The following IQSEC2 variants were observed in gnomAD, a reference collection of about 807,000 sequenced individuals.
IQSEC2 encodes the protein IQ motif and Sec7 domain ArfGEF 2, also known as IQ motif and SEC7 domain-containing protein 2.
Under a neutral mutation model 74.6 loss-of-function variants are expected in IQSEC2, and 6 were observed. The ratio of observed to expected loss-of-function variants is 0.08; its 90% CI spans 0.04 to 0.16. The LOEUF is 0.16. Ranked by LOEUF, IQSEC2 falls within the 10% of genes least tolerant of loss-of-function variation. IQSEC2 has a pLI of 1.00. For missense variants in IQSEC2, 734 were observed against 1,306.2 expected, an observed-to-expected ratio of 0.56 and a Z score of 6.75; for synonymous variants, 494 against 544.5, an observed-to-expected ratio of 0.91 and a Z score of 1.29.
intron 2 of IQSEC2, among the ~76,000 whole-genome samples, chrX:53,286,918 C>T (rs181230774): frequency 2.4e-4 from 19 of 80,114 alleles, no homozygotes; most frequent in Non-Finnish European, 8.9e-5. Flanking sequence ...CCAGCCTGGG[C>T]GACAGAGCAA....
chrX:53,314,631 CA>C (rs1470128842), intron 1 of IQSEC2, among the ~76,000 whole-genome samples: 1 of 111,646 alleles, frequency 9.0e-6, no homozygotes, highest in Non-Finnish European at 1.9e-5. Context: ...GTGGGCTAAC[CA>C]GGGGGGCACA....
chrX:53,228,837 T>C (rs1556858059), downstream of IQSEC2: 1 of 112,156 alleles, frequency 8.9e-6, no homozygotes, highest in Non-Finnish European at 1.9e-5. Flanking sequence ...CAGAGAAATA[T>C]CGATGTCTAG....
chrX:53,296,097 G>A (rs915882770), intron 1 of IQSEC2, among the ~76,000 whole-genome samples: 17 of 106,748 alleles, frequency 1.6e-4, no homozygotes, highest in East Asian at 6.0e-4. Flanking sequence ...GTGCAGTGGC[G>A]CGATCTTGGC....
In IQSEC2 at chrX:53,238,200, G is replaced by A. The variant is rs2074165244; in HGVS notation, c.3222C>T (p.Ser1074=). ...PSLQDRLRFT[S]DLRESIAEVQ... is the part of the protein sequence containing the mutation. The stretch of plus-strand genomic sequence containing the variant: ...CCTCCGCAATGGACTCGCGCAGGTC[G>A]GATGTAAAGCGCAGCCGGTCCTGGA... The change falls in exon 12 of 15, where the codon TCC becomes TCT. Residue 1074 remains serine, a synonymous_variant. Transcript: ENST00000642864. The A allele has an allele frequency of 1.7e-6, 2 of 1,209,447 alleles. No homozygotes were observed. Among genetic ancestry groups the A allele is most frequent in the East Asian group, 3.0e-5 (1 of 33,804 alleles).
At chrX:53,309,123 A>T (rs1254276471) in intron 1 of IQSEC2, among the ~76,000 whole-genome samples, 1 of 107,617 alleles carries the variant, frequency 9.3e-6, no homozygotes, top group Non-Finnish European at 1.9e-5. Flanking sequence ...AAAAAAAAAA[A>T]GTGGGAAGGA....
At chrX:53,242,367 G>C (rs2074237063) in intron 9 of IQSEC2, among the ~76,000 whole-genome samples, 1 of 94,071 alleles carries the variant, frequency 1.1e-5, no homozygotes, top group Non-Finnish European at 2.0e-5. Context: ...CCAGGAGGTA[G>C]AGGTTGCAAT....
chrX:53,238,321 G>A lies in IQSEC2; in HGVS notation c.3116-15C>T. 2 of 1,207,949 alleles carry A rather than the reference G, an allele frequency of 1.7e-6. No homozygotes were observed. Among genetic ancestry groups the A allele is most frequent in the South Asian group, 1.8e-5 (1 of 56,885 alleles). On this transcript the variant is annotated splice_polypyrimidine_tract_variant and intron_variant, in intron 11 of 14. Coordinates refer to ENST00000642864, the MANE Select transcript of IQSEC2 (RefSeq NM_001111125.3). Reference sequence around the variant, plus strand: ...AAACTGGTAATCTGTGGAGAAAGGGGAGACTGGGCACCTCTGTTGGGACTG... The same window carrying A: ...AAACTGGTAATCTGTGGAGAAAGGGAAGACTGGGCACCTCTGTTGGGACTG...
chrX:53,276,361 G>A (rs922567221), intron 2 of IQSEC2, among the ~76,000 whole-genome samples: 1 of 111,779 alleles, frequency 8.9e-6, no homozygotes, highest in South Asian at 3.7e-4. Flanking sequence ...GTTATTGCTG[G>A]TACTCAGAGA....
intron 2 of IQSEC2, among the ~76,000 whole-genome samples, chrX:53,274,594 T>C (rs1384364591): frequency 8.5e-5 from 9 of 105,327 alleles, no homozygotes; most frequent in Non-Finnish European, 1.7e-4. Flanking sequence ...CCTGAGTAGC[T>C]GGGACTACAC....
At chrX:53,272,576 T>C (rs782023178) in intron 2 of IQSEC2, among the ~76,000 whole-genome samples, 8 of 111,253 alleles carry the variant, frequency 7.2e-5, no homozygotes, top group Non-Finnish European at 1.3e-4. Context: ...CAAGTAGTGG[T>C]CCACCATGCC....
Position 53,321,160 on chromosome X carries a change from C to A in IQSEC2, c.-37G>T, listed in dbSNP as rs1232424763. ...AGGGGCAGGGGAACGGGCAGGAGAG[C>A]CCTGTCCCCGCTCTCTCACGGCGCC... On this transcript the variant is annotated 5_prime_UTR_variant, in exon 1 of 15. Coordinates refer to ENST00000642864, the MANE Select transcript of IQSEC2 (RefSeq NM_001111125.3). The A allele has an allele frequency of 7.8e-6, 7 of 902,736 alleles. No homozygotes were observed. The African/African-American group carries it at 1.4e-4, about 18-fold the overall frequency. The allele number at this position is 902,736 out of a possible 1,213,427, so 74.4% of individuals were successfully genotyped here.
intron 2 of IQSEC2, chrX:53,281,574 C>A (rs1177188169): frequency 1.1e-5 from 13 of 1,131,899 alleles, no homozygotes; most frequent in Non-Finnish European, 1.4e-5. Flanking sequence ...GTGTCTCCAC[C>A]GTGTCACCAC....
At chrX:53,274,452 CTTTTTTTTT>C (rs66510453) in intron 2 of IQSEC2, among the ~76,000 whole-genome samples, 4 of 47,123 alleles carry the variant, frequency 8.5e-5, no homozygotes, top group South Asian at 5.9e-3. Context: ...AGTTACATTT[CTTTTTTTTT>C]TTTTTTTTTT....
intron 2 of IQSEC2, among the ~76,000 whole-genome samples, chrX:53,271,379 G>A (rs782290962): frequency 8.9e-6 from 1 of 112,021 alleles, no homozygotes; most frequent in Admixed American, 9.5e-5. Flanking sequence ...CTGAGACTAA[G>A]GACTCTGGAT....
intron 1 of IQSEC2, among the ~76,000 whole-genome samples, chrX:53,317,038 C>T (rs954065178): frequency 1.8e-5 from 2 of 110,310 alleles, no homozygotes; most frequent in African/African-American, 6.6e-5. Context: ...AGCTCTTCAG[C>T]GTGGAGCAAC....
At chrX:53,314,131 T>C (rs903797399) in intron 1 of IQSEC2, among the ~76,000 whole-genome samples, 9 of 111,976 alleles carry the variant, frequency 8.0e-5, no homozygotes, top group African/African-American at 2.9e-4. Flanking sequence ...TGCTGGGAGC[T>C]ACTGTGCCTA....
intron 2 of IQSEC2, among the ~76,000 whole-genome samples, chrX:53,268,458 G>C (rs1290676711): frequency 3.6e-5 from 4 of 110,962 alleles, no homozygotes; most frequent in Non-Finnish European, 7.6e-5. Context: ...CTCCCTTTCT[G>C]AGTGTCCCAT....
chrX:53,294,836 A>G (rs782038537), intron 1 of IQSEC2, among the ~76,000 whole-genome samples: 17 of 110,572 alleles, frequency 1.5e-4, no homozygotes, highest in Non-Finnish European at 3.0e-4. Context: ...TTGTTTGTTT[A>G]TTTAGAGACA....
chrX:53,269,554 C>T (rs1366929974), intron 2 of IQSEC2, among the ~76,000 whole-genome samples: 2 of 110,910 alleles, frequency 1.8e-5, no homozygotes, highest in Non-Finnish European at 3.8e-5. Flanking sequence ...TCTCTCCCAT[C>T]TGGGAATAAA....
Sources: allele counts gnomAD v4.1 joint callset (sites outside exome capture counted in the v4.1 genomes callset), GRCh38; gene constraint gnomAD v4.1.1; transcripts MANE v1.5; gene names NCBI Gene and HGNC (gene_info 2026-07-23, HGNC 2026-07-21).